LEKR1: variants seen among roughly 807,000 people sequenced by gnomAD.
The protein encoded by LEKR1 is protein LEKR1.
In LEKR1, 59 loss-of-function variants were observed where a neutral mutation model predicts 72.4. The observed-to-expected ratio is 0.82, with a 90% CI of 0.66 to 1.01. The LOEUF is 1.01. Ranked by LOEUF, LEKR1 falls within the 50% of genes least tolerant of loss-of-function variation. The probability of loss-of-function intolerance (pLI) is 0.00; values close to 1 mark genes in which losing one functional copy is unlikely to be tolerated. For synonymous variants in LEKR1, 257 were observed against 263.2 expected (o/e 0.98, Z 0.23); for missense variants, 728 against 759.2 (o/e 0.96, Z 0.48).
At chr3:156,910,707 C>T (rs1485502327) in intron 3 of LEKR1, among the ~76,000 whole-genome samples, 1 of 152,166 alleles carries the variant, frequency 6.6e-6, no homozygotes, top group South Asian at 2.1e-4. Flanking sequence ...TCCATATATT[C>T]CATAGTGTAT....
chr3:156,841,284 A>G (rs1713871686), intron 2 of LEKR1, among the ~76,000 whole-genome samples: 1 of 152,268 alleles, frequency 6.6e-6, no homozygotes, highest in African/African-American at 2.4e-5. Flanking sequence ...TGGCCAAGTT[A>G]GAGAATGTTT....
At chr3:157,037,028 A>G (rs1315588549) in intron 12 of LEKR1, among the ~76,000 whole-genome samples, 2 of 152,210 alleles carry the variant, frequency 1.3e-5, no homozygotes, top group Admixed American at 1.3e-4. Flanking sequence ...TCATATAAAG[A>G]TGAATATAGA....
chr3:157,009,595 TTAAC>T (rs1278997169), intron 9 of LEKR1, among the ~76,000 whole-genome samples: 2 of 152,106 alleles, frequency 1.3e-5, no homozygotes, highest in East Asian at 3.8e-4. Context: ...TTATCTTTAA[TTAAC>T]TATTTCTTTG....
At position 156,841,055 on chromosome 3, in the gene LEKR1, A is replaced by T. The variant is rs1322004045; in HGVS notation, c.48+11678A>T. Reference sequence around the variant, plus strand: ...GATGTACAATGACATGATAAAAAATAGCTCTAGAAGACAGTGTGTGATTTA... The same window carrying T: ...GATGTACAATGACATGATAAAAAATTGCTCTAGAAGACAGTGTGTGATTTA... On this transcript the variant is annotated intron_variant, in intron 2 of 12. Transcript: ENST00000356539. 3.9e-5 allele frequency among the ~76,000 whole-genome samples: 6 copies of T among 152,364 alleles called. No homozygotes were observed. In the East Asian group the frequency reaches 1.2e-3, roughly 29 times the overall value.
intron 3 of LEKR1, among the ~76,000 whole-genome samples, chr3:156,919,184 G>A (rs191100113): frequency 6.6e-6 from 1 of 152,296 alleles, no homozygotes; most frequent in East Asian, 1.9e-4. Flanking sequence ...TAGCTCTCCA[G>A]AGATGTCCCC....
intron 2 of LEKR1, among the ~76,000 whole-genome samples, chr3:156,847,959 A>C (rs971332237): frequency 9.2e-5 from 14 of 152,244 alleles, no homozygotes; most frequent in African/African-American, 3.1e-4. Flanking sequence ...TGAAGTTTAT[A>C]GCATTTCTGT....
At chr3:156,960,923 C>A (rs919345273) in intron 6 of LEKR1, among the ~76,000 whole-genome samples, 4 of 152,192 alleles carry the variant, frequency 2.6e-5, no homozygotes, top group African/African-American at 7.2e-5. Context: ...TTCCAAAATG[C>A]ACAATTTATC....
At chr3:157,004,874 A>C (rs1350973234) in intron 9 of LEKR1, among the ~76,000 whole-genome samples, 1 of 152,068 alleles carries the variant, frequency 6.6e-6, no homozygotes, top group East Asian at 1.9e-4. Flanking sequence ...TTCAGCTTCC[A>C]CTTTAGGCAA....
At chr3:156,993,953 G>GT (rs1401104006) in intron 9 of LEKR1, among the ~76,000 whole-genome samples, 1 of 151,804 alleles carries the variant, frequency 6.6e-6, no homozygotes, top group Non-Finnish European at 1.5e-5. Context: ...AAATCTTAGG[G>GT]TTTTTTTGTT....
At chr3:157,029,609 G>A (rs146842292) in intron 12 of LEKR1, among the ~76,000 whole-genome samples, 24 of 152,282 alleles carry the variant, frequency 1.6e-4, no homozygotes, top group African/African-American at 1.7e-4. Context: ...ACAAAAAGAT[G>A]ATTAAGTTCT....
intron 5 of LEKR1, among the ~76,000 whole-genome samples, chr3:156,930,442 A>T (rs897951390): frequency 3.9e-4 from 59 of 152,172 alleles, no homozygotes; most frequent in African/African-American, 1.3e-3. Context: ...AGTCTAAAGG[A>T]TGGAGAGGTG....
At chr3:156,893,107 A>G (rs1720824053) in intron 3 of LEKR1, among the ~76,000 whole-genome samples, 1 of 152,120 alleles carries the variant, frequency 6.6e-6, no homozygotes, top group Non-Finnish European at 1.5e-5. Context: ...CAGGTTCTGT[A>G]TTTTGGAGAG....
intron 3 of LEKR1, among the ~76,000 whole-genome samples, chr3:156,898,459 G>T (rs1198103156): frequency 6.6e-6 from 1 of 152,116 alleles, no homozygotes; most frequent in Non-Finnish European, 1.5e-5. Context: ...GCCGTGTGAG[G>T]TTACAGTGGG....
chr3:156,869,127 C>A (rs1461725684), intron 3 of LEKR1, among the ~76,000 whole-genome samples: 1 of 152,032 alleles, frequency 6.6e-6, no homozygotes, highest in African/African-American at 2.4e-5. Flanking sequence ...GATTCCATAT[C>A]TTTGCTATTA....
intron 3 of LEKR1, among the ~76,000 whole-genome samples, chr3:156,855,423 T>A (rs1208503260): frequency 1.3e-5 from 2 of 152,218 alleles, no homozygotes; most frequent in Non-Finnish European, 2.9e-5. Context: ...TATTAGACAT[T>A]TATATTGATT....
At chr3:156,899,206 G>T (rs953224715) in intron 3 of LEKR1, among the ~76,000 whole-genome samples, 1 of 148,756 alleles carries the variant, frequency 6.7e-6, no homozygotes, top group African/African-American at 2.5e-5. Flanking sequence ...TTCACCTGTG[G>T]TTTTCACCAT....
Position 156,927,713 on chromosome 3 carries a change from T to A in LEKR1, c.559+109T>A, listed in dbSNP as rs1479558683. 3 of 371,584 alleles carry A rather than the reference T, an allele frequency of 8.1e-6. No individual in the cohort carries two copies. The East Asian group carries it at 3.9e-4, about 48-fold the overall frequency. 23.0% of individuals were successfully genotyped at this position (371,584 alleles called of 1,614,324 possible). The stretch of plus-strand genomic sequence containing the variant: ...ATTTGATGGGAATTAGGATTAACTT[T>A]GTTATCACTTGTTAGAGTAGATGAC... On this transcript the variant is annotated intron_variant, in intron 5 of 12. Transcript: ENST00000356539.
chr3:156,982,060 T>C (rs146491358), intron 7 of LEKR1, among the ~76,000 whole-genome samples: 3 of 152,330 alleles, frequency 2.0e-5, no homozygotes, highest in African/African-American at 4.8e-5. Context: ...AATTTATAAA[T>C]GGGTGAAACT....
intron 3 of LEKR1, among the ~76,000 whole-genome samples, chr3:156,885,620 T>C (rs1719972873): frequency 6.6e-6 from 1 of 152,220 alleles, no homozygotes; most frequent in Admixed American, 6.5e-5. Flanking sequence ...ATGTGATCCA[T>C]CTTCAGGACT....
Sources: gnomAD v4.1 joint callset for allele counts (sites outside exome capture counted in the v4.1 genomes callset) on GRCh38, gnomAD v4.1.1 for gene constraint, MANE v1.5 for transcripts, NCBI Gene and HGNC (gene_info 2026-07-23, HGNC 2026-07-21) for gene names.